OLFM3: variants seen among roughly 807,000 people sequenced by gnomAD.
OLFM3 encodes olfactomedin 3.
In OLFM3, 20 loss-of-function variants were observed where a neutral mutation model predicts 48.6. That is an observed-to-expected ratio of 0.41 (90% confidence interval 0.29 to 0.60). OLFM3 has a LOEUF of 0.60. Among genes scored for constraint, OLFM3 ranks in the 20% least tolerant of loss-of-function variants. OLFM3 has a pLI of 0.28. For synonymous variants in OLFM3, 222 were observed against 198.1 expected (o/e 1.12, Z -1.01); for missense variants, 437 against 544.3 (o/e 0.80, Z 1.96).
intron 4 of OLFM3, 77 bp downstream of exon 4, chr1:101,824,949 T>C (rs1654787101): frequency 1.6e-6 from 2 of 1,261,016 alleles, no homozygotes; most frequent in Non-Finnish European, 2.3e-6. Flanking sequence ...TTATGACTCT[T>C]TATAAAACGT....
At position 101,804,818 on chromosome 1, in the gene OLFM3, A is replaced by G; in HGVS notation, c.797T>C (p.Leu266Pro). Residue 266 changes from leucine (L) to proline (P), a missense_variant, in exon 6 of 6, where the codon CTT becomes CCT. Physicochemically the swap from Leu to Pro is moderately conservative, Grantham distance 98. This residue lies in a region of OLFM3 where 314 missense variants were observed against 365.5 expected (regional missense o/e 0.86). Transcript: ENST00000370103. This position sits in a 1 kb window ranked among gnomAD's most constrained non-coding sequence, Gnocchi z 4.5. ...GTTAGTTCCTGCCCACTTGAAAGGA[A>G]GGTTGTATGTCCTTGATTCAGCCCC... is the stretch of plus-strand genomic sequence containing the variant. ...VSGAESRTYN[L>P]PFKWAGTNHV... The G allele has an allele frequency of 6.2e-7, 1 of 1,612,660 alleles. No homozygotes were observed. The highest frequency in any genetic ancestry group is 8.5e-7 in the Non-Finnish European group (1 of 1,179,106).
intron 1 of OLFM3, among the ~76,000 whole-genome samples, chr1:101,879,983 C>T (rs1001630597): frequency 4.0e-5 from 6 of 151,868 alleles, no homozygotes; most frequent in African/African-American, 1.4e-4. Flanking sequence ...AGCTGTACAA[C>T]AAGCATTCAG....
intron 1 of OLFM3, among the ~76,000 whole-genome samples, chr1:101,888,748 C>T (rs1395500002): frequency 1.3e-5 from 2 of 151,964 alleles, no homozygotes; most frequent in African/African-American, 2.4e-5. Flanking sequence ...TGCAATCTAC[C>T]CATCTGACAA....
At chr1:101,867,787 T>C (rs956154621) in intron 1 of OLFM3, among the ~76,000 whole-genome samples, 6 of 152,234 alleles carry the variant, frequency 3.9e-5, no homozygotes, top group African/African-American at 1.4e-4. Context: ...AGGGTTATGC[T>C]ATGGTTTGGC....
chr1:101,869,950 A>G (rs555653641), intron 1 of OLFM3, among the ~76,000 whole-genome samples: 1 of 152,282 alleles, frequency 6.6e-6, no homozygotes, highest in African/African-American at 2.4e-5. Flanking sequence ...TAAATTACCC[A>G]GTCTCGAGCA....
intron 1 of OLFM3, among the ~76,000 whole-genome samples, chr1:101,838,794 A>C (rs1655565928): frequency 6.6e-6 from 1 of 152,174 alleles, no homozygotes; most frequent in Admixed American, 6.5e-5. Flanking sequence ...GCAAATTCTT[A>C]AAGTAACTAA....
chr1:101,981,851 A>G (rs559322245), intron 1 of OLFM3, among the ~76,000 whole-genome samples: 1 of 152,338 alleles, frequency 6.6e-6, no homozygotes, highest in Admixed American at 6.5e-5. Context: ...GTTTTATTTT[A>G]TTTATAGAAT....
chr1:101,832,958 T>C (rs934824326), intron 2 of OLFM3, among the ~76,000 whole-genome samples: 1 of 152,210 alleles, frequency 6.6e-6, no homozygotes, highest in Non-Finnish European at 1.5e-5. Flanking sequence ...ACTTCATTTG[T>C]GGTTAAACAT....
At chr1:101,990,286 T>C (rs1661362865) in intron 1 of OLFM3, among the ~76,000 whole-genome samples, 1 of 152,166 alleles carries the variant, frequency 6.6e-6, no homozygotes, top group Admixed American at 6.5e-5. Context: ...TTATACAATA[T>C]TCATTTTTCA....
intron 1 of OLFM3, among the ~76,000 whole-genome samples, chr1:101,996,444 A>G (rs1201530540): frequency 6.6e-6 from 1 of 152,158 alleles, no homozygotes; most frequent in African/African-American, 2.4e-5. Flanking sequence ...CCGACTTCAA[A>G]AGAGAGCATT....
intron 4 of OLFM3, among the ~76,000 whole-genome samples, chr1:101,809,397 C>T (rs781718160): frequency 6.6e-6 from 1 of 151,828 alleles, no homozygotes; most frequent in African/African-American, 2.4e-5. Context: ...ATCACCAATA[C>T]TGGATGCTAG....
In OLFM3 at chr1:101,976,728, G is replaced by A. The variant is rs371742751; in HGVS notation, c.69+20020C>T. Among the ~76,000 whole-genome samples the A allele has an allele frequency of 2.4e-4, 36 of 152,214 alleles. No individual in the cohort carries two copies. The East Asian group carries it at 6.2e-3, about 26-fold the overall frequency. ...AAAAAAGTTCATCTCCATATCATGA[G>A]TTTTTAACCACTTATGGTATATTCT... is the stretch of plus-strand genomic sequence containing the variant. On this transcript the variant is annotated intron_variant, in intron 1 of 5. Transcript: ENST00000370103.
At chr1:101,966,607 T>C (rs562869392) in intron 1 of OLFM3, among the ~76,000 whole-genome samples, 1 of 152,202 alleles carries the variant, frequency 6.6e-6, no homozygotes, top group Admixed American at 6.5e-5. Context: ...GAAAATGTTT[T>C]CATGTTATGT....
intron 1 of OLFM3, among the ~76,000 whole-genome samples, chr1:101,895,969 G>GGTA (rs1658183623): frequency 1.3e-5 from 1 of 76,318 alleles, no homozygotes; most frequent in South Asian, 5.3e-4. Context: ...TTAAAACATA[G>GGTA]GTAATAATAA....
intron 1 of OLFM3, among the ~76,000 whole-genome samples, chr1:101,882,009 C>T (rs929710187): frequency 2.0e-5 from 3 of 151,150 alleles, no homozygotes; most frequent in Non-Finnish European, 4.4e-5. Context: ...CTGTTGGATG[C>T]TTATAATCAA....
chr1:101,826,082 A>G (rs1023484087), intron 3 of OLFM3, among the ~76,000 whole-genome samples: 25 of 151,766 alleles, frequency 1.6e-4, no homozygotes, highest in African/African-American at 2.4e-5. Context: ...GTAATAGATG[A>G]GCCAGTTACA....
intron 1 of OLFM3, among the ~76,000 whole-genome samples, chr1:101,932,483 G>A (rs911395886): frequency 6.6e-6 from 1 of 152,092 alleles, no homozygotes; most frequent in East Asian, 1.9e-4. Flanking sequence ...GGAGGAAGCT[G>A]GGAACCCTGC....
chr1:101,835,051 T>C (rs1259716200), intron 2 of OLFM3, among the ~76,000 whole-genome samples: 1 of 152,196 alleles, frequency 6.6e-6, no homozygotes, highest in Admixed American at 6.5e-5. Flanking sequence ...GAATATGTAA[T>C]GCTGTACTGA....
intron 1 of OLFM3, among the ~76,000 whole-genome samples, chr1:101,936,911 A>G (rs762266434): frequency 6.6e-6 from 1 of 152,208 alleles, no homozygotes; most frequent in African/African-American, 2.4e-5. Flanking sequence ...GTTTAGCCAC[A>G]TGCCGAAGAG....
Sources: gnomAD v4.1 joint callset for allele counts (sites outside exome capture counted in the v4.1 genomes callset) on GRCh38, gnomAD v4.1.1 for gene constraint, gnomAD v4.1.1 regional missense constraint, Gnocchi (gnomAD v3.1) non-coding constraint, MANE v1.5 for transcripts, NCBI Gene and HGNC (gene_info 2026-07-23, HGNC 2026-07-21) for gene names.